Variants in SCAF11 observed in about 807,000 individuals in gnomAD.
The protein encoded by SCAF11 is protein SCAF11.
A neutral mutation model predicts 140.5 loss-of-function variants in SCAF11; 47 were observed. The observed-to-expected ratio is 0.33, with a 90% CI of 0.26 to 0.43. The LOEUF is 0.43. SCAF11 is among the 20% of genes least tolerant of loss of function. SCAF11 has a pLI of 1.00. For missense variants in SCAF11, 1,645 were observed against 1,705.1 expected (o/e 0.96, Z 0.62); for synonymous variants, 557 against 579.4 (o/e 0.96, Z 0.55).
At chr12:45,969,046 G>A (rs1946013432) in intron 1 of SCAF11, among the ~76,000 whole-genome samples, 1 of 152,246 alleles carries the variant, frequency 6.6e-6, no homozygotes, top group Non-Finnish European at 1.5e-5. Context: ...GACAGTGCAT[G>A]TGAGAAACTA....
chr12:45,936,248 T>G (rs571679490), intron 6 of SCAF11, among the ~76,000 whole-genome samples: 120 of 152,054 alleles, frequency 7.9e-4, no homozygotes, highest in African/African-American at 2.8e-3. Context: ...TTCAAGCAAT[T>G]CTCCTGTCTC....
intron 1 of SCAF11, among the ~76,000 whole-genome samples, chr12:45,981,253 G>A (rs1040574557): frequency 6.6e-5 from 10 of 152,142 alleles, no homozygotes; most frequent in East Asian, 1.9e-4. Flanking sequence ...CACCATAAAA[G>A]TATATCAGTA....
Position 45,926,795 on chromosome 12 carries a change from C to T in SCAF11, c.2906G>A (p.Arg969Lys), listed in dbSNP as rs1220905521. ...ACATCTCCAACCATCATTTGCCCAT[C>T]TTCCCTTCCACCGGGGAGAGTAACT... ...RDSYSPRWKGRWANDGWRCPR... is the reference protein window; with the variant it reads ...RDSYSPRWKGKWANDGWRCPR... Residue 969 changes from arginine (R) to lysine (K), a missense_variant, in exon 11 of 15, where the codon AGA (arginine) becomes AAA (lysine). By Grantham distance (26) the Arg-to-Lys change is conservative. This residue lies in a region of SCAF11 where 1,582 missense variants were observed against 1,609.2 expected (regional missense o/e 0.98). Coordinates refer to ENST00000369367, the MANE Select transcript of SCAF11 (RefSeq NM_004719.3). The T allele has an allele frequency of 6.2e-7, 1 of 1,614,060 alleles. No homozygotes were observed. The highest frequency in any genetic ancestry group is 8.5e-7 in the Non-Finnish European group (1 of 1,180,046).
chr12:45,970,989 AG>A (rs1946058965), intron 1 of SCAF11, among the ~76,000 whole-genome samples: 1 of 152,248 alleles, frequency 6.6e-6, no homozygotes, highest in Non-Finnish European at 1.5e-5. Flanking sequence ...TTTTCTAAAG[AG>A]TAAAATGAAT....
intron 10 of SCAF11, 34 bp from the exon 11 acceptor site, chr12:45,928,893 AATATGTTTTAAGAAATAGT>A (rs776604250): frequency 1.6e-6 from 2 of 1,260,166 alleles, no homozygotes; most frequent in African/African-American, 3.1e-5. Flanking sequence ...AAAAGTAAAA[AATATGTTTTAAGAAATAGT>A]AATTTGGCTT....
rs1161992578 is a variant in SCAF11 at position 45,961,792 on chromosome 12, T to A, written c.127A>T (p.Ile43Leu). ...LLYSEADRCP[I>L]CLNCLLEKEV... is the part of the protein sequence containing the mutation. ...TTTTCTAATAGACAATTAAGACATATTGGGCATCTGTCAGCCTCACTGTAC... is the reference window on the plus strand; with the variant it reads ...TTTTCTAATAGACAATTAAGACATAATGGGCATCTGTCAGCCTCACTGTAC... The change falls in exon 3 of 15, where the codon ATA becomes TTA. Residue 43 changes from isoleucine to leucine, a missense_variant. Around this residue, in one of 2 missense-constraint regions of SCAF11, gnomAD observed 1,582 missense variants for 1,609.2 expected, o/e 0.98. Transcript: ENST00000369367. 15 of 1,613,170 alleles carry A rather than the reference T, an allele frequency of 9.3e-6. No individual in the cohort carries two copies. Among genetic ancestry groups the A allele is most frequent in the Non-Finnish European group, 1.3e-5 (15 of 1,179,334 alleles).
At chr12:45,937,169 C>T (rs1245875862) in intron 6 of SCAF11, among the ~76,000 whole-genome samples, 1 of 151,916 alleles carries the variant, frequency 6.6e-6, no homozygotes. Context: ...ATTTTTCCTT[C>T]CTGAAATTTT....
chr12:45,936,082 G>A (rs1945166282), intron 6 of SCAF11, among the ~76,000 whole-genome samples: 1 of 151,384 alleles, frequency 6.6e-6, no homozygotes, highest in Non-Finnish European at 1.5e-5. Flanking sequence ...TCCTTTGGCT[G>A]TTTCTTCTAA....
upstream of SCAF11, chr12:45,991,925 C>T (rs1187053040): frequency 1.6e-6 from 2 of 1,287,964 alleles, no homozygotes; most frequent in East Asian, 5.6e-5. Context: ...CACACGTTTT[C>T]CTGTCGCCTG....
intron 3 of SCAF11, among the ~76,000 whole-genome samples, chr12:45,958,711 G>C (rs936108747): frequency 1.4e-4 from 21 of 152,170 alleles, no homozygotes; most frequent in Non-Finnish European, 2.1e-4. Flanking sequence ...ATTAGGCTAT[G>C]GGCCATGAAG....
At chr12:45,961,385 A>T (rs1442671064) in intron 3 of SCAF11, 1 of 707,114 alleles carries the variant, frequency 1.4e-6, no homozygotes. Flanking sequence ...ATATTATCCT[A>T]TTAAGCACAG....
chr12:45,925,132 GAAAC>G lies in SCAF11; in HGVS notation c.3560-62_3560-59del, dbSNP rs1207516672. 3.7e-6 allele frequency: 5 copies of G among 1,352,798 alleles called. No homozygotes were observed. The East Asian group carries it at 9.4e-5, about 25-fold the overall frequency. The allele number at this position is 1,352,798 out of a possible 1,614,324, so 83.8% of individuals were successfully genotyped here. A position where few individuals can be genotyped will look rare whatever the true frequency, so the allele number is the denominator to read the frequency against. The stretch of plus-strand genomic sequence containing the variant: ...CATGTTATAAATCTCTTTAGACAGA[GAAAC>G]AAAGAACCACTGGTTACAGTAAAAT... On this transcript the variant is annotated intron_variant, in intron 11 of 14. Transcript: ENST00000369367.
At position 45,927,945 on chromosome 12, in the gene SCAF11, C is replaced by G. The variant is rs1944930751; in HGVS notation, c.1756G>C (p.Glu586Gln). The change falls in exon 11 of 15, where the codon GAG (glutamate) becomes CAG (glutamine). Residue 586 changes from glutamate to glutamine, a missense_variant. Glu to Gln is a conservative substitution (Grantham distance 29). Around this residue, in one of 2 missense-constraint regions of SCAF11, gnomAD observed 1,582 missense variants for 1,609.2 expected, o/e 0.98. Transcript: ENST00000369367. ...TCAGTAATTTCTACTAGGGAACTCT[C>G]TGTTATTTTTTCTTCATTAACCACT... ...ESVVNEEKIT[E>Q]SSLVEITEHK... is the part of the protein sequence containing the mutation. 2 of 1,613,300 alleles carry G rather than the reference C, an allele frequency of 1.2e-6. No individual in the cohort carries two copies. The highest frequency in any genetic ancestry group is 1.7e-6 in the Non-Finnish European group (2 of 1,179,930).
chr12:45,928,832 G>A lies in SCAF11; in HGVS notation c.869C>T (p.Ala290Val). The A allele has an allele frequency of 2.5e-6, 4 of 1,607,342 alleles. No homozygotes were observed. The highest frequency in any genetic ancestry group is 3.4e-6 in the Non-Finnish European group (4 of 1,178,264). ...CTTTTCTTCCCCTTCTTGAGTATGT[G>A]CTAATGCATATCCCTTGCAAGAAGT... Reference protein sequence around the residue: ...FGTSCKGYALAHTQEGEEKKQ... With the variant: ...FGTSCKGYALVHTQEGEEKKQ... Residue 290 changes from alanine (A) to valine (V), a missense_variant, in exon 11 of 15, where the codon GCA (alanine) becomes GTA (valine). Around this residue, in one of 2 missense-constraint regions of SCAF11, gnomAD observed 1,582 missense variants for 1,609.2 expected, o/e 0.98. Transcript: ENST00000369367.
chr12:45,977,566 T>C (rs1946263785), intron 1 of SCAF11, among the ~76,000 whole-genome samples: 1 of 152,184 alleles, frequency 6.6e-6, no homozygotes, highest in Non-Finnish European at 1.5e-5. Flanking sequence ...TTTTACTGTA[T>C]ATAATAAAAG....
chr12:45,948,076 C>A (rs370387365), intron 5 of SCAF11, among the ~76,000 whole-genome samples: 3 of 152,076 alleles, frequency 2.0e-5, no homozygotes, highest in Non-Finnish European at 4.4e-5. Flanking sequence ...TCTTTTAATT[C>A]TTTTTATTTT....
At chr12:45,985,475 A>C (rs1008190401) in intron 1 of SCAF11, among the ~76,000 whole-genome samples, 1 of 152,184 alleles carries the variant, frequency 6.6e-6, no homozygotes, top group African/African-American at 2.4e-5. Flanking sequence ...TCTGATCTAG[A>C]GGTTCCTCTA....
chr12:45,928,452 G>A lies in SCAF11; in HGVS notation c.1249C>T (p.Pro417Ser), dbSNP rs1457171662. ...GGTTGGTGCTCTTTTTCTAACACAG[G>A]TGATGTGTCAGATTCTGCTGTTTCT... ...DEETAESDTS[P>S]VLEKEHQPDV... is the part of the protein sequence containing the mutation. Residue 417 changes from proline (P) to serine (S), a missense_variant, in exon 11 of 15, where the codon CCT becomes TCT. Around this residue, in one of 2 missense-constraint regions of SCAF11, gnomAD observed 1,582 missense variants for 1,609.2 expected, o/e 0.98. Coordinates refer to ENST00000369367, the MANE Select transcript of SCAF11 (RefSeq NM_004719.3). 5.6e-6 allele frequency: 9 copies of A among 1,612,556 alleles called. No individual in the cohort carries two copies. In the South Asian group the frequency reaches 7.7e-5, roughly 14 times the overall value.
chr12:45,972,141 A>G (rs1195840476), intron 1 of SCAF11, among the ~76,000 whole-genome samples: 1 of 152,228 alleles, frequency 6.6e-6, no homozygotes, highest in Non-Finnish European at 1.5e-5. Flanking sequence ...CATGTCACAG[A>G]CTGGCTACTG....
Sources: gnomAD v4.1 joint callset for allele counts (sites outside exome capture counted in the v4.1 genomes callset) on GRCh38, gnomAD v4.1.1 for gene constraint, gnomAD v4.1.1 regional missense constraint, MANE v1.5 for transcripts, NCBI Gene and HGNC (gene_info 2026-07-23, HGNC 2026-07-21) for gene names.